FBXL20: variants seen among roughly 807,000 people sequenced by gnomAD.
FBXL20 encodes F-box and leucine rich repeat protein 20, also known as F-box/LRR-repeat protein 20.
A neutral mutation model predicts 64.0 loss-of-function variants in FBXL20; 11 were observed. That is an observed-to-expected ratio of 0.17 (90% CI 0.11 to 0.28). The LOEUF (loss-of-function observed/expected upper bound fraction) is 0.28. Among genes scored for constraint, FBXL20 ranks in the 10% least tolerant of loss-of-function variants. FBXL20 has a pLI of 1.00. For synonymous variants in FBXL20, 184 were observed against 189.0 expected (o/e 0.97, Z 0.22); for missense variants, 303 against 526.2 (o/e 0.58, Z 4.15).
At chr17:39,272,712 AAAAAAAAAAGAAAG>A (rs1161713171) in intron 10 of FBXL20, among the ~76,000 whole-genome samples, 2 of 150,648 alleles carry the variant, frequency 1.3e-5, no homozygotes, top group African/African-American at 2.5e-5. Flanking sequence ...AAAAAAAAAA[AAAAAAAAAAGAAAG>A]AAAGAAAGAA....
intron 1 of FBXL20, among the ~76,000 whole-genome samples, chr17:39,383,973 C>A (rs897958526): frequency 6.6e-6 from 1 of 151,964 alleles, no homozygotes; most frequent in African/African-American, 2.4e-5. Context: ...GTGGCTCATG[C>A]CCATAATCCT....
intron 1 of FBXL20, among the ~76,000 whole-genome samples, chr17:39,394,801 C>T (rs566635428): frequency 2.2e-4 from 33 of 151,936 alleles, no homozygotes; most frequent in African/African-American, 5.8e-4. Context: ...TCAAGTGATC[C>T]GCCCGTCTTG....
chr17:39,317,434 G>C (rs764811100), intron 2 of FBXL20, among the ~76,000 whole-genome samples: 6 of 151,228 alleles, frequency 4.0e-5, no homozygotes, highest in Non-Finnish European at 8.8e-5. Context: ...GTTTCACCAT[G>C]TTGGCCAGGC....
chr17:39,297,413 G>A (rs948369220), intron 5 of FBXL20: 5 of 348,260 alleles, frequency 1.4e-5, no homozygotes, highest in African/African-American at 2.1e-5. Context: ...TTTGTTACAG[G>A]TTGGTGAGAA....
chr17:39,358,103 G>A (rs188744392), intron 1 of FBXL20, among the ~76,000 whole-genome samples: 137 of 152,314 alleles, frequency 9.0e-4, no homozygotes, highest in African/African-American at 3.1e-3. Flanking sequence ...AAGTGGAGGT[G>A]AGGCAGTATT....
At chr17:39,303,669 T>G in intron 2 of FBXL20, 30 bp from the exon 3 acceptor site, 12 of 1,556,542 alleles carry the variant, frequency 7.7e-6, no homozygotes, top group African/African-American at 1.4e-5. Flanking sequence ...AGACAAATTT[T>G]ATTGTATGAT....
In FBXL20 at chr17:39,267,003, A is replaced by G. The variant is rs537958537; in HGVS notation, c.934-1550T>C. The stretch of plus-strand genomic sequence containing the variant: ...CATGGTAGTTCACGCTTGTAATCCC[A>G]GCACTTTGGGAAGCTGAGGCTGGTG... On this transcript the variant is annotated intron_variant, in intron 12 of 14. Transcript: ENST00000264658. 3.3e-5 allele frequency among the ~76,000 whole-genome samples: 5 copies of G among 152,172 alleles called. No individual in the cohort carries two copies. The East Asian group carries it at 9.7e-4, about 30-fold the overall frequency.
At chr17:39,348,424 C>T (rs1168268221) in intron 1 of FBXL20, among the ~76,000 whole-genome samples, 1 of 151,668 alleles carries the variant, frequency 6.6e-6, no homozygotes, top group East Asian at 1.9e-4. Context: ...CATGCTACTG[C>T]AGTCCAGCCT....
chr17:39,394,165 GCTTT>G (rs771098486), intron 1 of FBXL20, among the ~76,000 whole-genome samples: 1 of 151,940 alleles, frequency 6.6e-6, no homozygotes, highest in Non-Finnish European at 1.5e-5. Flanking sequence ...CACTTTAAGG[GCTTT>G]CTTTCTTCTC....
chr17:39,290,483 T>G (rs975423641), intron 6 of FBXL20, among the ~76,000 whole-genome samples: 1 of 152,172 alleles, frequency 6.6e-6, no homozygotes, highest in Admixed American at 6.6e-5. Context: ...TCTCAGGAAG[T>G]CTTTCACCAT....
intron 1 of FBXL20, among the ~76,000 whole-genome samples, chr17:39,362,657 C>T (rs916679577): frequency 5.4e-5 from 8 of 149,130 alleles, no homozygotes; most frequent in African/African-American, 2.0e-4. Context: ...CTCGCTCTGT[C>T]AACCAGGCTG....
At chr17:39,336,771 C>A (rs377436012) in intron 2 of FBXL20, among the ~76,000 whole-genome samples, 13 of 148,578 alleles carry the variant, frequency 8.7e-5, no homozygotes, top group East Asian at 5.9e-4. Flanking sequence ...TTGCAGTGAG[C>A]CGAGATTGCA....
rs746662908 is a variant in FBXL20 at position 39,275,028 on chromosome 17, A to T, written c.769T>A (p.Cys257Ser). 2.5e-6 allele frequency: 4 copies of T among 1,614,194 alleles called. No homozygotes were observed. The highest frequency in any genetic ancestry group is 3.4e-6 in the Non-Finnish European group (4 of 1,180,014). The change falls in exon 10 of 15, where the codon TGC (cysteine) becomes AGC (serine). Residue 257 changes from cysteine to serine, a missense_variant. By Grantham distance (112) the Cys-to-Ser change is moderately radical (BLOSUM62 -1). This residue lies in a region of FBXL20 where 246 missense variants were observed against 422.6 expected (regional missense o/e 0.58). Transcript: ENST00000264658. ...HKLQSLCASG[C>S]SNITDAILNA... ...AGGATGGCATCTGTGATGTTGGAGCAGCCAGAGGCACAAAGGGATTGTAAC... is the reference window on the plus strand; with the variant it reads ...AGGATGGCATCTGTGATGTTGGAGCTGCCAGAGGCACAAAGGGATTGTAAC...
intron 2 of FBXL20, among the ~76,000 whole-genome samples, chr17:39,339,581 T>C (rs776947394): frequency 6.6e-6 from 1 of 152,154 alleles, no homozygotes; most frequent in African/African-American, 2.4e-5. Flanking sequence ...AATCCTGGAC[T>C]GAATCCTGGG....
At chr17:39,363,823 A>G (rs8070289) in intron 1 of FBXL20, among the ~76,000 whole-genome samples, 21 of 123,692 alleles carry the variant, frequency 1.7e-4, no homozygotes, top group Admixed American at 4.1e-4. Flanking sequence ...AAAAAAAAAA[A>G]AAACAAAAAA....
intron 14 of FBXL20, chr17:39,263,743 T>C (rs552660962): frequency 4.3e-4 from 70 of 161,222 alleles, no homozygotes; most frequent in Admixed American, 1.9e-3. Context: ...ACTTGTTGCC[T>C]TAAAAAATAT....
rs548205972 is a variant in FBXL20, at chr17:39,339,086, T to G, written c.104+4094A>C. Among the ~76,000 whole-genome samples, 3 of 144,470 alleles carry G rather than the reference T, an allele frequency of 2.1e-5. No homozygotes were observed. The East Asian group carries it at 6.1e-4, about 29-fold the overall frequency. 94.8% of individuals were successfully genotyped at this position (144,470 alleles called of 152,430 possible). On this transcript the variant is annotated intron_variant, in intron 2 of 14. Coordinates refer to ENST00000264658, the MANE Select transcript of FBXL20 (RefSeq NM_032875.3). ...AGGAGGACGAGGCAGGAGAATCGCT[T>G]GAACCTGGGAGGCGGAGGTTACAGT... is the stretch of plus-strand genomic sequence containing the variant.
At chr17:39,304,765 T>G (rs677888) in intron 2 of FBXL20, among the ~76,000 whole-genome samples, 42,927 of 151,864 alleles carry the variant, frequency 0.28, 6,557 homozygotes, top group African/African-American at 0.4. Flanking sequence ...CTAATTTTTT[T>G]TTGTTGTTGT....
intron 9 of FBXL20, among the ~76,000 whole-genome samples, chr17:39,281,037 T>C (rs2046945596): frequency 6.6e-6 from 1 of 152,242 alleles, no homozygotes; most frequent in Non-Finnish European, 1.5e-5. Flanking sequence ...GTGCTGGGAT[T>C]ACAGGCATGA....
Sources: gnomAD v4.1 joint callset for allele counts (sites outside exome capture counted in the v4.1 genomes callset) on GRCh38, gnomAD v4.1.1 for gene constraint, gnomAD v4.1.1 regional missense constraint, MANE v1.5 for transcripts, NCBI Gene and HGNC (gene_info 2026-07-23, HGNC 2026-07-21) for gene names.